The following SIX1 variants were observed in gnomAD, a reference collection of about 807,000 sequenced individuals.
SIX1 encodes homeobox protein SIX1.
SIX1 carries 11 observed loss-of-function variants against 26.5 expected under a neutral mutation model. The ratio of observed to expected loss-of-function variants is 0.41; its 90% confidence interval spans 0.26 to 0.69. The LOEUF (loss-of-function observed/expected upper bound fraction) is 0.69. Ranked by LOEUF, SIX1 falls within the 30% of genes least tolerant of loss-of-function variation. The pLI, the probability that SIX1 is intolerant of heterozygous loss-of-function variation, is 0.28. For missense variants in SIX1, 333 were observed against 365.9 expected, an observed-to-expected ratio of 0.91 and a Z score of 0.73; for synonymous variants, 177 against 166.2, an observed-to-expected ratio of 1.06 and a Z score of -0.50.
At position 60,646,494 on chromosome 14, in the gene SIX1, C is replaced by A. The variant is rs540778343; in HGVS notation, c.644G>T (p.Ser215Ile). ...PLEGGKPLMSSSEEEFSPPQS... is the reference protein window; with the variant it reads ...PLEGGKPLMSISEEEFSPPQS... Reference sequence around the variant, plus strand: ...GGGAGGTGAGAATTCCTCTTCTGAGCTGGACATGAGCGGCTTGCCCCCTTC... The same window carrying A: ...GGGAGGTGAGAATTCCTCTTCTGAGATGGACATGAGCGGCTTGCCCCCTTC... Residue 215 changes from serine to isoleucine, a missense_variant, in exon 2 of 2, where the codon AGC becomes ATC. Coordinates refer to ENST00000645694, the MANE Select transcript of SIX1 (RefSeq NM_005982.4). 1 of 1,613,388 alleles carries A rather than the reference C, an allele frequency of 6.2e-7. No homozygotes were observed. Among genetic ancestry groups the A allele is most frequent in the Non-Finnish European group, 8.5e-7 (1 of 1,179,932 alleles).
chr14:60,649,329 T>C lies in SIX1; in HGVS notation c.-140A>G. The C allele has an allele frequency of 1.4e-6, 1 of 718,068 alleles. No homozygotes were observed. The highest frequency in any genetic ancestry group is 2.3e-6 in the Non-Finnish European group (1 of 441,126). The allele number at this position is 718,068 out of a possible 1,614,324, so 44.5% of individuals were successfully genotyped here. A position where few individuals can be genotyped will look rare whatever the true frequency, so the allele number is the denominator to read the frequency against. On this transcript the variant is annotated 5_prime_UTR_variant, in exon 1 of 2. Transcript: ENST00000645694. The surrounding 1 kb of genome is among the most constrained non-coding windows in gnomAD (Gnocchi z 5.1). ...GGCTTTGCAAAGGCGAAAACCGGAGTCGGAACTTGGCGGTGGGCGGCCAAG... is the reference window on the plus strand; with the variant it reads ...GGCTTTGCAAAGGCGAAAACCGGAGCCGGAACTTGGCGGTGGGCGGCCAAG...
chr14:60,649,451 T>C lies in SIX1; in HGVS notation c.-262A>G. ...TTGCTGCCTCCGACCTCCCGCCCGG[T>C]GGATGCTGCTAGTTGCCGGGGAACT... On this transcript the variant is annotated 5_prime_UTR_variant, in exon 1 of 2. Coordinates refer to ENST00000645694, the MANE Select transcript of SIX1 (RefSeq NM_005982.4). The surrounding 1 kb of genome is among the most constrained non-coding windows in gnomAD (Gnocchi z 5.1). 2 of 419,238 alleles carry C rather than the reference T, an allele frequency of 4.8e-6. No individual in the cohort carries two copies. The highest frequency in any genetic ancestry group is 8.5e-6 in the Non-Finnish European group (2 of 235,930). 26.0% of individuals were successfully genotyped at this position (419,238 alleles called of 1,614,324 possible).
rs1179974671 is a variant in SIX1 at position 60,648,425 on chromosome 14, A to G, written c.560+205T>C. Among the ~76,000 whole-genome samples, 1 of 152,218 alleles carries G rather than the reference A, an allele frequency of 6.6e-6. No homozygotes were observed. Among genetic ancestry groups the G allele is most frequent in the Admixed American group, 6.5e-5 (1 of 15,288 alleles). On this transcript the variant is annotated intron_variant, in intron 1 of 1. Transcript: ENST00000645694. The surrounding 1 kb of genome is among the most constrained non-coding windows in gnomAD (Gnocchi z 7.9). ...GAGAAACCCACGCGCGGGTGCTCAA[A>G]GCAAATGAGGCCCCATCCTTAGCAA...
At position 60,646,350 on chromosome 14, in the gene SIX1, T is replaced by C; in HGVS notation, c.788A>G (p.His263Arg). ...ASQPSHGLQT[H>R]QHQLQDSLLG... The stretch of plus-strand genomic sequence containing the variant: ...CAGAGAGTCTTGGAGCTGATGCTGG[T>C]GGGTCTGCAGGCCGTGACTGGGCTG... The change falls in exon 2 of 2, where the codon CAC becomes CGC. Residue 263 changes from histidine (H) to arginine (R), a missense_variant. By Grantham distance (29) the His-to-Arg change is conservative (BLOSUM62 0). Coordinates refer to ENST00000645694, the MANE Select transcript of SIX1 (RefSeq NM_005982.4). 6.2e-7 allele frequency: 1 copy of C among 1,613,852 alleles called. No homozygotes were observed. Among genetic ancestry groups the C allele is most frequent in the East Asian group, 2.2e-5 (1 of 44,854 alleles).
rs876658002 is a variant in SIX1 at position 60,648,703 on chromosome 14, G to C, written c.487C>G (p.Leu163Val). 3 of 1,613,990 alleles carry C rather than the reference G, an allele frequency of 1.9e-6. No homozygotes were observed. Among genetic ancestry groups the C allele is most frequent in the Non-Finnish European group, 2.5e-6 (3 of 1,179,888 alleles). The change falls in exon 1 of 2, where the codon CTC becomes GTC. Residue 163 changes from leucine to valine, a missense_variant. This residue lies in a region of SIX1 where 199 missense variants were observed against 215.2 expected (regional missense o/e 0.92). Transcript: ENST00000645694. This position sits in a 1 kb window ranked among gnomAD's most constrained non-coding sequence, Gnocchi z 7.9. ...CAGTTGCTGACCTGGGTGGTGGTGA[G>C]GCCGGTGGCCTCGGCCAGCTCCCGC... is the stretch of plus-strand genomic sequence containing the variant. ...EKRELAEATG[L>V]TTTQVSNWFK...
chr14:60,645,140 A>G lies in SIX1; in HGVS notation c.*1143T>C, dbSNP rs1894916959. The G allele has an allele frequency of 1.3e-5, 2 of 152,152 alleles. No homozygotes were observed. The highest frequency in any genetic ancestry group is 4.1e-4 in the South Asian group (2 of 4,834). The allele number at this position is 152,152 out of a possible 1,614,324, so 9.4% of individuals were successfully genotyped here. On this transcript the variant is annotated 3_prime_UTR_variant, in exon 2 of 2. Transcript: ENST00000645694. The surrounding 1 kb of genome is among the most constrained non-coding windows in gnomAD (Gnocchi z 4.6). ...AATCTAGTTACTACTCTTGGTTCAG[A>G]TGATGGCCTTCAAAGTACCCTGCAA...
rs773333781 is a variant in SIX1, at chr14:60,648,908, C to T, written c.282G>A (p.Glu94=). The change falls in exon 1 of 2, where the codon GAG becomes GAA. Residue 94 remains glutamate, a synonymous_variant. Coordinates refer to ENST00000645694, the MANE Select transcript of SIX1 (RefSeq NM_005982.4). The surrounding 1 kb of genome is among the most constrained non-coding windows in gnomAD (Gnocchi z 7.9). ...QQLWLKAHYV[E]AEKLRGRPLG... is the part of the protein sequence containing the mutation. Reference sequence around the variant, plus strand: ...GGGGTCGGCCGCGCAGCTTCTCGGCCTCCACGTAATGCGCCTTCAGCCACA... The same window carrying T: ...GGGGTCGGCCGCGCAGCTTCTCGGCTTCCACGTAATGCGCCTTCAGCCACA... The T allele has an allele frequency of 2.5e-6, 4 of 1,614,246 alleles. No individual in the cohort carries two copies. The South Asian group carries it at 3.3e-5, about 13-fold the overall frequency.
At position 60,649,225 on chromosome 14, in the gene SIX1, C is replaced by T. The variant is rs757701604; in HGVS notation, c.-36G>A. The T allele has an allele frequency of 2.5e-6, 4 of 1,591,308 alleles. No individual in the cohort carries two copies. Among genetic ancestry groups the T allele is most frequent in the Admixed American group, 1.7e-5 (1 of 59,016 alleles). ...TGCCGGGGCGCACGGCCCAGGCGCA[C>T]GCGGCAGGGAGCAGAGCCGAGAGGC... On this transcript the variant is annotated 5_prime_UTR_variant, in exon 1 of 2. The change creates a new upstream start codon in the 5' untranslated region. Coordinates refer to ENST00000645694, the MANE Select transcript of SIX1 (RefSeq NM_005982.4). The surrounding 1 kb of genome is among the most constrained non-coding windows in gnomAD (Gnocchi z 5.1).
At position 60,648,535 on chromosome 14, in the gene SIX1, G is replaced by C; in HGVS notation, c.560+95C>G. ...GTGGACGGGCTCCGGCCGGCGGGGA[G>C]GACTTGGTGGCTGGTGCCTGCGGGG... On this transcript the variant is annotated intron_variant, in intron 1 of 1. Coordinates refer to ENST00000645694, the MANE Select transcript of SIX1 (RefSeq NM_005982.4). The surrounding 1 kb of genome is among the most constrained non-coding windows in gnomAD (Gnocchi z 7.9). The C allele has an allele frequency of 7.8e-7, 1 of 1,289,082 alleles. No individual in the cohort carries two copies. Among genetic ancestry groups the C allele is most frequent in the Non-Finnish European group, 1.1e-6 (1 of 921,752 alleles). 79.9% of individuals were successfully genotyped at this position (1,289,082 alleles called of 1,614,324 possible).
rs557193382 is a variant in SIX1 at position 60,645,673 on chromosome 14, A to C, written c.*610T>G. The C allele has an allele frequency of 6.6e-6, 1 of 152,304 alleles. No individual in the cohort carries two copies. Among genetic ancestry groups the C allele is most frequent in the South Asian group, 2.1e-4 (1 of 4,832 alleles). 9.4% of individuals were successfully genotyped at this position (152,304 alleles called of 1,614,324 possible). ...TTTTTCCTCCTAATACTGGTCTTTT[A>C]TTTTAATCTACATTAAATTGTTTAA... On this transcript the variant is annotated 3_prime_UTR_variant, in exon 2 of 2. Transcript: ENST00000645694. The surrounding 1 kb of genome is among the most constrained non-coding windows in gnomAD (Gnocchi z 4.6).
At position 60,646,341 on chromosome 14, in the gene SIX1, T is replaced by C; in HGVS notation, c.797A>G (p.Gln266Arg). ...PSHGLQTHQH[Q>R]LQDSLLGPLT... ...GGGGCCGAGCAGAGAGTCTTGGAGCTGATGCTGGTGGGTCTGCAGGCCGTG... is the reference window on the plus strand; with the variant it reads ...GGGGCCGAGCAGAGAGTCTTGGAGCCGATGCTGGTGGGTCTGCAGGCCGTG... The change falls in exon 2 of 2, where the codon CAG becomes CGG. Residue 266 changes from glutamine to arginine, a missense_variant. By Grantham distance (43) the Gln-to-Arg change is conservative. Transcript: ENST00000645694. The C allele has an allele frequency of 6.2e-7, 1 of 1,613,950 alleles. No homozygotes were observed. The highest frequency in any genetic ancestry group is 8.5e-7 in the Non-Finnish European group (1 of 1,180,014).
rs1894899854 is a variant in SIX1, at chr14:60,643,999, A to T, written c.*2284T>A. 6.6e-6 allele frequency: 1 copy of T among 152,216 alleles called. No individual in the cohort carries two copies. Among genetic ancestry groups the T allele is most frequent in the Admixed American group, 6.5e-5 (1 of 15,286 alleles). The allele number at this position is 152,216 out of a possible 1,614,324, so 9.4% of individuals were successfully genotyped here. A position where few individuals can be genotyped will look rare whatever the true frequency, so the allele number is the denominator to read the frequency against. On this transcript the variant is annotated 3_prime_UTR_variant, in exon 2 of 2. Transcript: ENST00000645694. ...GAAGTGGGCCGGGGCGCCCTGCGAG[A>T]CACAACTTCCACGAGCCTAAAATTA...
Position 60,648,789 on chromosome 14 carries a change from T to C in SIX1, c.401A>G (p.Lys134Arg). 1 of 1,614,206 alleles carries C rather than the reference T, an allele frequency of 6.2e-7. No individual in the cohort carries two copies. The highest frequency in any genetic ancestry group is 8.5e-7 in the Non-Finnish European group (1 of 1,180,020). Residue 134 changes from lysine (K) to arginine (R), a missense_variant, in exon 1 of 2, where the codon AAG (lysine) becomes AGG (arginine). Around this residue, in one of 3 missense-constraint regions of SIX1, gnomAD observed 199 missense variants for 215.2 expected, o/e 0.92. Transcript: ENST00000645694. This position sits in a 1 kb window ranked among gnomAD's most constrained non-coding sequence, Gnocchi z 7.9. ...GEETSYCFKEKSRGVLREWYA... is the reference protein window; with the variant it reads ...GEETSYCFKERSRGVLREWYA... ...CCACTCCCGCAGGACACCCCTCGAC[T>C]TCTCCTTGAAGCAGTAGCTGGTCTC...
Position 60,646,366 on chromosome 14 carries a change from G to A in SIX1, c.772C>T (p.His258Tyr). The A allele has an allele frequency of 1.2e-6, 2 of 1,614,078 alleles. No homozygotes were observed. The highest frequency in any genetic ancestry group is 1.7e-6 in the Non-Finnish European group (2 of 1,180,012). ...TGATGCTGGTGGGTCTGCAGGCCGTGACTGGGCTGCGAGGCTGTTAAGCCC... is the reference window on the plus strand; with the variant it reads ...TGATGCTGGTGGGTCTGCAGGCCGTAACTGGGCTGCGAGGCTGTTAAGCCC... ...LPGLTASQPS[H>Y]GLQTHQHQLQ... is the part of the protein sequence containing the mutation. Residue 258 changes from histidine to tyrosine, a missense_variant, in exon 2 of 2, where the codon CAC becomes TAC. This residue lies in a region of SIX1 where 199 missense variants were observed against 215.2 expected (regional missense o/e 0.92). Transcript: ENST00000645694.
rs1193093482 is a variant in SIX1, at chr14:60,647,539, T to C, written c.561-962A>G. On this transcript the variant is annotated intron_variant, in intron 1 of 1. Coordinates refer to ENST00000645694, the MANE Select transcript of SIX1 (RefSeq NM_005982.4). This position sits in a 1 kb window ranked among gnomAD's most constrained non-coding sequence, Gnocchi z 5.1. ...ACTCCTAGCGCCTGTCTGTCTCCTTTCTTTCCCCTTATCCTCACAGTCTCT... is the reference window on the plus strand; with the variant it reads ...ACTCCTAGCGCCTGTCTGTCTCCTTCCTTTCCCCTTATCCTCACAGTCTCT... Among the ~76,000 whole-genome samples the C allele has an allele frequency of 6.6e-6, 1 of 152,188 alleles. No individual in the cohort carries two copies. Among genetic ancestry groups the C allele is most frequent in the Non-Finnish European group, 1.5e-5 (1 of 68,034 alleles).
Position 60,649,303 on chromosome 14 carries a change from A to G in SIX1, c.-114T>C. 2.2e-6 allele frequency: 2 copies of G among 926,546 alleles called. No individual in the cohort carries two copies. Among genetic ancestry groups the G allele is most frequent in the Non-Finnish European group, 3.2e-6 (2 of 621,366 alleles). 57.4% of individuals were successfully genotyped at this position (926,546 alleles called of 1,614,324 possible). ...CGCGGCTGTTCCTAACCTCCTCCTT[A>G]GGCTTTGCAAAGGCGAAAACCGGAG... On this transcript the variant is annotated 5_prime_UTR_variant, in exon 1 of 2. Transcript: ENST00000645694. The surrounding 1 kb of genome is among the most constrained non-coding windows in gnomAD (Gnocchi z 5.1).
Position 60,649,163 on chromosome 14 carries a change from A to G in SIX1, c.27T>C (p.Phe9=), listed in dbSNP as rs1412195744. The change falls in exon 1 of 2, where the codon TTT becomes TTC. Residue 9 remains phenylalanine (F), a synonymous_variant. Coordinates refer to ENST00000645694, the MANE Select transcript of SIX1 (RefSeq NM_005982.4). This position sits in a 1 kb window ranked among gnomAD's most constrained non-coding sequence, Gnocchi z 5.1. ...ACACGCACGCCACTTGCTCCTGCGT[A>G]AAGCCAAACGACGGCAGCATCGACA... The part of the protein sequence containing the change: MSMLPSFG[F]TQEQVACVCE... The G allele has an allele frequency of 6.2e-7, 1 of 1,610,940 alleles. No individual in the cohort carries two copies. Among genetic ancestry groups the G allele is most frequent in the South Asian group, 1.1e-5 (1 of 91,056 alleles).
In SIX1 at chr14:60,646,256, C is replaced by G; in HGVS notation, c.*27G>C. 6.2e-7 allele frequency: 1 copy of G among 1,606,492 alleles called. No individual in the cohort carries two copies. Among genetic ancestry groups the G allele is most frequent in the Non-Finnish European group, 8.5e-7 (1 of 1,175,828 alleles). On this transcript the variant is annotated 3_prime_UTR_variant, in exon 2 of 2. Coordinates refer to ENST00000645694, the MANE Select transcript of SIX1 (RefSeq NM_005982.4). ...CTGCAGTGGTTGCTGCTCCAGGAAT[C>G]CCTTCGAGGCCCCAGTCCCTCCCCA...
At chr14:60,646,607 TAAAAAAA>T (rs34899649) in intron 1 of SIX1, 30 bp from the exon 2 acceptor site, 249 of 831,122 alleles carry the variant, frequency 3.0e-4, no homozygotes, top group South Asian at 4.5e-4. Flanking sequence ...ACCATATGGT[TAAAAAAA>T]AAAAAAAAAA....
Sources: allele counts gnomAD v4.1 joint callset (sites outside exome capture counted in the v4.1 genomes callset), GRCh38; gene constraint gnomAD v4.1.1; regional missense constraint gnomAD v4.1.1; non-coding constraint Gnocchi (gnomAD v3.1); transcripts MANE v1.5; gene names NCBI Gene and HGNC (gene_info 2026-07-23, HGNC 2026-07-21).